EVI5: variants seen among roughly 807,000 people sequenced by gnomAD.
EVI5 encodes the protein ecotropic viral integration site 5 protein homolog.
EVI5 carries 73 observed loss-of-function variants against 112.0 expected under a neutral mutation model. That is an observed-to-expected ratio of 0.65 (90% CI 0.54 to 0.79). The LOEUF is 0.79. EVI5 is among the 30% of genes least tolerant of loss of function. EVI5 has a pLI of 0.00. For synonymous variants in EVI5, 305 were observed against 319.9 expected, an observed-to-expected ratio of 0.95 and a Z score of 0.50; for missense variants, 900 against 968.8, an observed-to-expected ratio of 0.93 and a Z score of 0.94.
chr1:92,618,390 G>A (rs1023553532), intron 16 of EVI5, among the ~76,000 whole-genome samples: 3 of 152,116 alleles, frequency 2.0e-5, no homozygotes, highest in Non-Finnish European at 4.4e-5. Flanking sequence ...TGGACACTTC[G>A]GGCTGTTCCT....
chr1:92,673,003 A>C (rs1666122431), intron 10 of EVI5, among the ~76,000 whole-genome samples: 1 of 152,174 alleles, frequency 6.6e-6, no homozygotes, highest in Admixed American at 6.5e-5. Context: ...GAGCTTTCTG[A>C]AGCCTAATTT....
chr1:92,574,501 A>G (rs1394138626), intron 18 of EVI5, among the ~76,000 whole-genome samples: 1 of 152,172 alleles, frequency 6.6e-6, no homozygotes, highest in East Asian at 1.9e-4. Flanking sequence ...AACATGTTAT[A>G]GTGCAGCAAA....
intron 1 of EVI5, among the ~76,000 whole-genome samples, chr1:92,762,414 A>G (rs1682019673): frequency 6.6e-6 from 1 of 152,218 alleles, no homozygotes; most frequent in South Asian, 2.1e-4. Context: ...GATATATTTT[A>G]CTGAAGCTTA....
At chr1:92,705,307 A>G (rs1671791399) in intron 2 of EVI5, among the ~76,000 whole-genome samples, 1 of 152,234 alleles carries the variant, frequency 6.6e-6, no homozygotes, top group African/African-American at 2.4e-5. Context: ...CTAAAATTGG[A>G]GGATTTCACA....
chr1:92,522,044 C>A (rs1661020301), intron 19 of EVI5, among the ~76,000 whole-genome samples: 1 of 152,132 alleles, frequency 6.6e-6, no homozygotes, highest in South Asian at 2.1e-4. Context: ...CCTGCTTTTT[C>A]ACTTAATAAC....
upstream of EVI5, among the ~76,000 whole-genome samples, chr1:92,789,318 TTC>T (rs199679946): frequency 6.6e-5 from 10 of 151,380 alleles, no homozygotes; most frequent in Non-Finnish European, 1.3e-4. Flanking sequence ...CAGCTTCTTC[TTC>T]TTTTTTTTTT....
intron 16 of EVI5, chr1:92,622,334 T>C: frequency 2.2e-6 from 1 of 448,764 alleles, no homozygotes; most frequent in Non-Finnish European, 4.5e-6. Flanking sequence ...GGTCCACAGG[T>C]TCCAGACTGC....
chr1:92,634,754 T>C (rs1355271119), intron 14 of EVI5, among the ~76,000 whole-genome samples: 5 of 152,224 alleles, frequency 3.3e-5, no homozygotes, highest in African/African-American at 1.2e-4. Context: ...GAAGAGGCAC[T>C]CTGCTTTTTA....
At chr1:92,703,647 G>A in intron 3 of EVI5, 28 bp from the exon 4 acceptor site, 1 of 1,396,154 alleles carries the variant, frequency 7.2e-7, no homozygotes, top group Non-Finnish European at 9.8e-7. Flanking sequence ...TTACAAAAAT[G>A]AATTATTTAA....
chr1:92,674,558 A>G (rs1666403905), intron 10 of EVI5, among the ~76,000 whole-genome samples: 1 of 152,106 alleles, frequency 6.6e-6, no homozygotes. Context: ...CTAGGGAAGG[A>G]ATAGCATTAG....
chr1:92,759,769 T>C (rs567224306), intron 1 of EVI5, among the ~76,000 whole-genome samples: 27 of 152,298 alleles, frequency 1.8e-4, no homozygotes, highest in African/African-American at 6.5e-4. Flanking sequence ...GCATAATGTT[T>C]TCAAGGTTCA....
At chr1:92,666,785 C>T (rs1664981316) in intron 10 of EVI5, among the ~76,000 whole-genome samples, 1 of 152,144 alleles carries the variant, frequency 6.6e-6, no homozygotes, top group Admixed American at 6.5e-5. Flanking sequence ...CTCTACAGTA[C>T]ATATAGAAAT....
intron 1 of EVI5, among the ~76,000 whole-genome samples, chr1:92,762,589 T>C (rs949540460): frequency 9.2e-5 from 14 of 152,210 alleles, no homozygotes; most frequent in African/African-American, 3.1e-4. Flanking sequence ...CATATCAGAA[T>C]ACGTCATGAC....
chr1:92,783,822 A>AAAAAG (rs1171576864), intron 1 of EVI5, among the ~76,000 whole-genome samples: 4 of 126,700 alleles, frequency 3.2e-5, no homozygotes, highest in African/African-American at 1.0e-4. Context: ...AAAAAAAAAA[A>AAAAAG]AAAAGAAAAG....
chr1:92,600,140 ATACT>A (rs1424057249), intron 18 of EVI5, among the ~76,000 whole-genome samples: 5 of 152,202 alleles, frequency 3.3e-5, no homozygotes, highest in African/African-American at 9.6e-5. Context: ...ATTTAGTTTT[ATACT>A]TACTTAGACT....
At chr1:92,553,854 T>C (rs190845720) in intron 19 of EVI5, among the ~76,000 whole-genome samples, 304 of 152,340 alleles carry the variant, frequency 2.0e-3, no homozygotes, top group African/African-American at 7.0e-3. Flanking sequence ...TCTGGAAACA[T>C]TGGTGGAAGT....
rs74511869 is a variant in EVI5, at chr1:92,761,568, A to C, written c.-82+23268T>G. On this transcript the variant is annotated intron_variant, in intron 1 of 19. Transcript: ENST00000684568. ...AGTTTTCAAGGAGTTAAAAACTCTG[A>C]GCCCATAAAAAACCTGATATACAAC... Among the ~76,000 whole-genome samples the C allele has an allele frequency of 7.4e-4, 112 of 152,362 alleles. 11 individuals are homozygous for C. In the East Asian group the frequency reaches 0.022, roughly 29 times the overall value.
chr1:92,563,163 A>C (rs931294565), intron 19 of EVI5, among the ~76,000 whole-genome samples: 1 of 152,182 alleles, frequency 6.6e-6, no homozygotes, highest in African/African-American at 2.4e-5. Context: ...AAAAGCATTC[A>C]GATACTAAGA....
chr1:92,671,100 C>T (rs1253734908), intron 10 of EVI5, among the ~76,000 whole-genome samples: 1 of 152,066 alleles, frequency 6.6e-6, no homozygotes, highest in East Asian at 1.9e-4. Flanking sequence ...TGTCCCATTT[C>T]TTTTATCCTT....
Sources: gnomAD v4.1 joint callset for allele counts (sites outside exome capture counted in the v4.1 genomes callset) on GRCh38, gnomAD v4.1.1 for gene constraint, MANE v1.5 for transcripts, NCBI Gene and HGNC (gene_info 2026-07-23, HGNC 2026-07-21) for gene names.